PARVA: variants seen among roughly 807,000 people sequenced by gnomAD.
PARVA encodes the protein parvin alpha, also known as alpha-parvin.
PARVA carries 25 observed loss-of-function variants against 52.6 expected under a neutral mutation model. The observed-to-expected ratio is 0.48, with a 90% confidence interval of 0.35 to 0.66. The LOEUF is 0.66. Ranked by LOEUF, PARVA falls within the 30% of genes least tolerant of loss-of-function variation. The pLI is 0.01. For synonymous variants in PARVA, 185 were observed against 179.1 expected (o/e 1.03, Z -0.26); for missense variants, 373 against 450.9 (o/e 0.83, Z 1.56).
intron 1 of PARVA, among the ~76,000 whole-genome samples, chr11:12,429,284 A>C (rs1019805122): frequency 6.6e-6 from 1 of 152,130 alleles, no homozygotes; most frequent in Non-Finnish European, 1.5e-5. Context: ...CAAAGTTTTA[A>C]AAGAAGTACT....
chr11:12,407,216 A>G (rs765558041), intron 1 of PARVA, among the ~76,000 whole-genome samples: 1 of 152,190 alleles, frequency 6.6e-6, no homozygotes, highest in African/African-American at 2.4e-5. Flanking sequence ...TAAAATGTGT[A>G]TATCTGTGAT....
intron 4 of PARVA, among the ~76,000 whole-genome samples, chr11:12,482,648 G>T (rs994961075): frequency 2.0e-5 from 3 of 151,936 alleles, no homozygotes; most frequent in East Asian, 1.9e-4. Context: ...AAGGAAAGAG[G>T]TTTAATTGAC....
rs760294417 is a variant in PARVA at position 12,528,152 on chromosome 11, T to A, written c.*227T>A. On this transcript the variant is annotated 3_prime_UTR_variant, in exon 13 of 13. Coordinates refer to ENST00000334956, the MANE Select transcript of PARVA (RefSeq NM_018222.5). ...CTGGGGACCAACCTAGCAATGAAGG[T>A]TGGGAAGGTTGTTCCCTTCCCGGTG... is the stretch of plus-strand genomic sequence containing the variant. The A allele has an allele frequency of 1.9e-6, 1 of 518,894 alleles. No homozygotes were observed. Among genetic ancestry groups the A allele is most frequent in the Non-Finnish European group, 3.4e-6 (1 of 290,408 alleles). The allele number at this position is 518,894 out of a possible 1,614,324, so 32.1% of individuals were successfully genotyped here. A position where few individuals can be genotyped will look rare whatever the true frequency, so the allele number is the denominator to read the frequency against.
At chr11:12,517,451 C>G (rs1343676750) in intron 10 of PARVA, among the ~76,000 whole-genome samples, 159 bp from the exon 11 acceptor site, 1 of 152,148 alleles carries the variant, frequency 6.6e-6, no homozygotes, top group East Asian at 1.9e-4. Flanking sequence ...TGGGGCAGAG[C>G]AGACCTCCTT....
intron 3 of PARVA, among the ~76,000 whole-genome samples, chr11:12,476,747 G>T (rs1321917491): frequency 6.6e-6 from 1 of 152,206 alleles, no homozygotes. Flanking sequence ...CTGGTATACA[G>T]TAGGTATTAC....
At chr11:12,385,601 A>G (rs546308175) in intron 1 of PARVA, among the ~76,000 whole-genome samples, 9 of 152,318 alleles carry the variant, frequency 5.9e-5, no homozygotes, top group Admixed American at 5.9e-4. Context: ...AGGGCCAAAT[A>G]GTAACTATCT....
chr11:12,382,146 A>G (rs1939498725), intron 1 of PARVA, among the ~76,000 whole-genome samples: 1 of 152,248 alleles, frequency 6.6e-6, no homozygotes, highest in Non-Finnish European at 1.5e-5. Context: ...AAATTATTAC[A>G]GTGGTACAGT....
Position 12,507,611 on chromosome 11 carries a change from G to C in PARVA, c.658-973G>C, listed in dbSNP as rs182256080. On this transcript the variant is annotated intron_variant, in intron 6 of 12. Coordinates refer to ENST00000334956, the MANE Select transcript of PARVA (RefSeq NM_018222.5). ...AACCCCTTCTCAGTGTCCAGCTCCA[G>C]GGCCCCCTCCCCTTGGAAGGTTTCT... Among the ~76,000 whole-genome samples, 5 of 152,228 alleles carry C rather than the reference G, an allele frequency of 3.3e-5. No individual in the cohort carries two copies. In the East Asian group the frequency reaches 7.8e-4, roughly 24 times the overall value.
intron 11 of PARVA, 136 bp downstream of exon 11, chr11:12,517,847 A>G: frequency 1.5e-6 from 1 of 648,682 alleles, no homozygotes. Context: ...TGGAGGTGGG[A>G]CCCATTATAA....
At chr11:12,389,541 TG>T (rs1320140403) in intron 1 of PARVA, among the ~76,000 whole-genome samples, 1 of 152,226 alleles carries the variant, frequency 6.6e-6, no homozygotes, top group Admixed American at 6.5e-5. Context: ...GACAGTGGGC[TG>T]AGTGCTGCAG....
At chr11:12,523,228 G>C (rs981635498) in intron 12 of PARVA, among the ~76,000 whole-genome samples, 3 of 152,170 alleles carry the variant, frequency 2.0e-5, no homozygotes, top group African/African-American at 7.2e-5. Flanking sequence ...TGCCCCGGTG[G>C]GGAATAGAGA....
upstream of PARVA, chr11:12,377,512 G>A: frequency 7.0e-7 from 1 of 1,420,636 alleles, no homozygotes. Context: ...GGAAAGGCGA[G>A]CGTGAGCTGC....
intron 1 of PARVA, among the ~76,000 whole-genome samples, chr11:12,471,282 A>G (rs115212224): frequency 0.013 from 1,982 of 152,336 alleles, 46 homozygotes; most frequent in African/African-American, 0.044. Context: ...TTAGATTCAT[A>G]AGCTTGGAGC....
intron 1 of PARVA, among the ~76,000 whole-genome samples, chr11:12,388,275 T>A (rs182732872): frequency 1.3e-5 from 2 of 152,216 alleles, no homozygotes; most frequent in Non-Finnish European, 2.9e-5. Context: ...TGTGGATCAC[T>A]ATAGGACTTA....
At chr11:12,406,613 C>G (rs889110752) in intron 1 of PARVA, among the ~76,000 whole-genome samples, 1 of 146,796 alleles carries the variant, frequency 6.8e-6, no homozygotes, top group East Asian at 2.0e-4. Context: ...ATGGCTTTCT[C>G]ATGATTTATT....
intron 1 of PARVA, among the ~76,000 whole-genome samples, chr11:12,471,424 A>T (rs1940932901): frequency 6.6e-6 from 1 of 152,162 alleles, no homozygotes; most frequent in Non-Finnish European, 1.5e-5. Flanking sequence ...TACATAGGCA[A>T]ACTTGTGTCC....
In PARVA at chr11:12,414,172, A is replaced by T. The variant is rs188740017; in HGVS notation, c.136+36389A>T. 5.3e-4 allele frequency among the ~76,000 whole-genome samples: 80 copies of T among 152,328 alleles called. 1 individual carries two copies. The highest frequency in any genetic ancestry group is 4.7e-4 in the Non-Finnish European group (32 of 68,028). The stretch of plus-strand genomic sequence containing the variant: ...TTTGTCAGCAACTTCATCCCAAAAG[A>T]GGAGGTTTATTTTCCCTTCGGCAGT... On this transcript the variant is annotated intron_variant, in intron 1 of 12. Transcript: ENST00000334956.
chr11:12,406,485 A>G (rs1165145209), intron 1 of PARVA, among the ~76,000 whole-genome samples: 1 of 135,788 alleles, frequency 7.4e-6, no homozygotes, highest in African/African-American at 2.9e-5. Flanking sequence ...AACATGCTGC[A>G]TATCCCACTT....
chr11:12,398,237 C>T (rs566841784), intron 1 of PARVA: 34 of 152,140 alleles, frequency 2.2e-4, no homozygotes, highest in Non-Finnish European at 3.7e-4. Flanking sequence ...TGCATCCTCC[C>T]GTTACATTCC....
Sources: allele counts gnomAD v4.1 joint callset (sites outside exome capture counted in the v4.1 genomes callset), GRCh38; gene constraint gnomAD v4.1.1; transcripts MANE v1.5; gene names NCBI Gene and HGNC (gene_info 2026-07-23, HGNC 2026-07-21).